Variants in PLPP3 observed in about 807,000 individuals in gnomAD.
PLPP3 encodes the protein PAP2 beta.
In PLPP3, 6 loss-of-function variants were observed where a neutral mutation model predicts 29.6. The observed-to-expected ratio is 0.20, with a 90% confidence interval of 0.11 to 0.40. PLPP3 has a LOEUF of 0.40. Ranked by LOEUF, PLPP3 falls within the 10% of genes least tolerant of loss-of-function variation. The probability of loss-of-function intolerance (pLI) is 1.00; values close to 1 mark genes in which losing one functional copy is unlikely to be tolerated. For missense variants in PLPP3, 308 were observed against 407.7 expected (o/e 0.76, Z 2.11); for synonymous variants, 152 against 159.7 (o/e 0.95, Z 0.36).
chr1:56,547,448 C>A (rs558063385), intron 1 of PLPP3, among the ~76,000 whole-genome samples: 2 of 152,122 alleles, frequency 1.3e-5, no homozygotes, highest in Non-Finnish European at 2.9e-5. Context: ...TTAATGCAAT[C>A]CCCCAAAACA....
At chr1:56,544,842 C>G (rs1477977909) in intron 1 of PLPP3, among the ~76,000 whole-genome samples, 1 of 152,176 alleles carries the variant, frequency 6.6e-6, no homozygotes. Context: ...TAAGATGGAA[C>G]CATACAGATC....
chr1:56,559,450 C>T (rs917950795), intron 1 of PLPP3, among the ~76,000 whole-genome samples: 7 of 151,790 alleles, frequency 4.6e-5, no homozygotes, highest in Non-Finnish European at 1.0e-4. Context: ...CTAGGTCTCA[C>T]TATGTTGCCC....
chr1:56,496,414 A>C lies in PLPP3; in HGVS notation c.*137T>G. ...CTATTTTGGAAGGCCACATAGTAAA[A>C]CATTTTTTTTTTCCTTTTTAAAAAT... On this transcript the variant is annotated 3_prime_UTR_variant, in exon 6 of 6. Transcript: ENST00000371250. The C allele has an allele frequency of 8.7e-7, 1 of 1,142,866 alleles. No individual in the cohort carries two copies. The highest frequency in any genetic ancestry group is 1.6e-5 in the South Asian group (1 of 64,370). 70.8% of individuals were successfully genotyped at this position (1,142,866 alleles called of 1,614,324 possible). A position where few individuals can be genotyped will look rare whatever the true frequency, so the allele number is the denominator to read the frequency against.
rs528869265 is a variant in PLPP3 at position 56,562,915 on chromosome 1, T to C, written c.139+15963A>G. Among the ~76,000 whole-genome samples, 6 of 152,312 alleles carry C rather than the reference T, an allele frequency of 3.9e-5. No homozygotes were observed. In the East Asian group the frequency reaches 1.2e-3, roughly 29 times the overall value. ...TTATCTCCACAAATACTGGGAGAGA[T>C]AGGCAGTGGACTCACAGGCATGTGC... On this transcript the variant is annotated intron_variant, in intron 1 of 5. Transcript: ENST00000371250.
chr1:56,576,013 A>C (rs929128557), intron 1 of PLPP3, among the ~76,000 whole-genome samples: 1 of 152,220 alleles, frequency 6.6e-6, no homozygotes, highest in South Asian at 2.1e-4. Context: ...ATCGGTAAAG[A>C]TAGCTGTCCA....
At chr1:56,505,495 TCTTCTG>T (rs1284947605) in intron 5 of PLPP3, among the ~76,000 whole-genome samples, 2 of 152,202 alleles carry the variant, frequency 1.3e-5, no homozygotes, top group Non-Finnish European at 2.9e-5. Flanking sequence ...ACACAAATTT[TCTTCTG>T]CTTCTGCCAA....
At position 56,579,114 on chromosome 1, in the gene PLPP3, G is replaced by T; in HGVS notation, c.-98C>A. 1 of 1,491,712 alleles carries T rather than the reference G, an allele frequency of 6.7e-7. No individual in the cohort carries two copies. 92.4% of individuals were successfully genotyped at this position (1,491,712 alleles called of 1,614,324 possible). ...GGGTCGCCTCCTGGCCGAGGCTGCTGCGGATAGTGGCGGGTCGGCCCCGGC... is the reference window on the plus strand; with the variant it reads ...GGGTCGCCTCCTGGCCGAGGCTGCTTCGGATAGTGGCGGGTCGGCCCCGGC... On this transcript the variant is annotated 5_prime_UTR_variant, in exon 1 of 6. Coordinates refer to ENST00000371250, the MANE Select transcript of PLPP3 (RefSeq NM_003713.5).
chr1:56,524,476 G>A lies in PLPP3; in HGVS notation c.376C>T (p.Leu126Phe). Reference protein sequence around the residue: ...STIQNPYVAALYKQVGCFLFG... With the variant: ...STIQNPYVAAFYKQVGCFLFG... ...AGGAAGCAGCCCACTTGCTTATAGA[G>A]TGCTGCCACGTAGGGGTTCTGAATC... The change falls in exon 3 of 6, where the codon CTC becomes TTC. Residue 126 changes from leucine (L) to phenylalanine (F), a missense_variant. This residue lies in a region of PLPP3 where 232 missense variants were observed against 317.2 expected (regional missense o/e 0.73). Transcript: ENST00000371250. The surrounding 1 kb of genome is among the most constrained non-coding windows in gnomAD (Gnocchi z 4.3). 6.2e-7 allele frequency: 1 copy of A among 1,614,088 alleles called. No individual in the cohort carries two copies. The highest frequency in any genetic ancestry group is 1.7e-4 in the Middle Eastern group (1 of 6,060).
chr1:56,557,012 G>GAAAGAA lies in PLPP3; in HGVS notation c.140-19901_140-19900insTTCTTT, dbSNP rs60511169. On this transcript the variant is annotated intron_variant, in intron 1 of 5. Coordinates refer to ENST00000371250, the MANE Select transcript of PLPP3 (RefSeq NM_003713.5). ...AAAGAAAGAAAGAAAGAAAGAAAGAGAGAGAGAGAGAGAAAGAGAGAGAGA... is the reference window on the plus strand; with the variant it reads ...AAAGAAAGAAAGAAAGAAAGAAAGAGAAAGAAAGAGAGAGAGAGAAAGAGAGAGAGA... Among the ~76,000 whole-genome samples, 25 of 9,108 alleles carry GAAAGAA rather than the reference G, an allele frequency of 2.7e-3. 2 individuals carry two copies. Among genetic ancestry groups the GAAAGAA allele is most frequent in the South Asian group, 4.7e-3 (2 of 428 alleles). The allele number at this position is 9,108 out of a possible 152,430, so 6.0% of individuals were successfully genotyped here.
rs761716322 is a variant in PLPP3, at chr1:56,496,508, T to A, written c.*43A>T. On this transcript the variant is annotated 3_prime_UTR_variant, in exon 6 of 6. Transcript: ENST00000371250. ...ATTGGAGAGCAGCAAGAACTTGCTG[T>A]CAGCAGTCATTTTACAAAAACAGCT... is the stretch of plus-strand genomic sequence containing the variant. 1 of 1,607,500 alleles carries A rather than the reference T, an allele frequency of 6.2e-7. No individual in the cohort carries two copies. Among genetic ancestry groups the A allele is most frequent in the South Asian group, 1.1e-5 (1 of 90,586 alleles).
At chr1:56,561,131 G>A (rs1376131696) in intron 1 of PLPP3, among the ~76,000 whole-genome samples, 1 of 151,940 alleles carries the variant, frequency 6.6e-6, no homozygotes, top group African/African-American at 2.4e-5. Flanking sequence ...ACAGGCGTGA[G>A]CCACTGCACC....
chr1:56,569,070 GATTAA>G (rs1373896875), intron 1 of PLPP3, among the ~76,000 whole-genome samples: 1 of 152,014 alleles, frequency 6.6e-6, no homozygotes, highest in Non-Finnish European at 1.5e-5. Context: ...ACCCAAATAA[GATTAA>G]ATTAATTCCC....
At chr1:56,560,997 C>T (rs1646122941) in intron 1 of PLPP3, among the ~76,000 whole-genome samples, 1 of 150,016 alleles carries the variant, frequency 6.7e-6, no homozygotes, top group Non-Finnish European at 1.5e-5. Context: ...GCCACCATGC[C>T]CGGGTAATTT....
chr1:56,537,462 C>T (rs1337634882), intron 1 of PLPP3, among the ~76,000 whole-genome samples: 1 of 152,178 alleles, frequency 6.6e-6, no homozygotes, highest in Non-Finnish European at 1.5e-5. Flanking sequence ...AGCCCCAAAT[C>T]TCATGATTTA....
intron 1 of PLPP3, among the ~76,000 whole-genome samples, chr1:56,554,134 G>A (rs548327427): frequency 2.6e-5 from 4 of 152,060 alleles, no homozygotes; most frequent in African/African-American, 7.2e-5. Context: ...CACAGGTTTG[G>A]GGTCAAATAG....
chr1:56,526,534 T>C (rs1372587980), intron 2 of PLPP3, among the ~76,000 whole-genome samples: 1 of 152,216 alleles, frequency 6.6e-6, no homozygotes. Context: ...CAGATGTTTA[T>C]TACCACAATC....
At chr1:56,576,406 T>C (rs528257113) in intron 1 of PLPP3, among the ~76,000 whole-genome samples, 52 of 152,316 alleles carry the variant, frequency 3.4e-4, no homozygotes, top group African/African-American at 1.2e-3. Context: ...AAATCACATG[T>C]TGTGCTATTA....
At chr1:56,577,363 C>T (rs1245317139) in intron 1 of PLPP3, among the ~76,000 whole-genome samples, 4 of 152,250 alleles carry the variant, frequency 2.6e-5, no homozygotes, top group East Asian at 1.9e-4. Flanking sequence ...TGTTGAGAGA[C>T]GTGGAAATGG....
intron 1 of PLPP3, among the ~76,000 whole-genome samples, chr1:56,554,713 A>G (rs185267231): frequency 4.7e-4 from 71 of 152,302 alleles, no homozygotes; most frequent in South Asian, 1.0e-3. Flanking sequence ...TCTGTGTGAG[A>G]GTATTTCCCT....
Sources: gnomAD v4.1 joint callset for allele counts (sites outside exome capture counted in the v4.1 genomes callset) on GRCh38, gnomAD v4.1.1 for gene constraint, gnomAD v4.1.1 regional missense constraint, Gnocchi (gnomAD v3.1) non-coding constraint, MANE v1.5 for transcripts, NCBI Gene and HGNC (gene_info 2026-07-23, HGNC 2026-07-21) for gene names.